Variants in KHDRBS2 observed in about 807,000 individuals in gnomAD.
KHDRBS2 encodes the protein KH domain-containing, RNA-binding, signal transduction-associated protein 2.
A neutral mutation model predicts 44.3 loss-of-function variants in KHDRBS2; 26 were observed. That is an observed-to-expected ratio of 0.59 (90% CI 0.43 to 0.81). The LOEUF is 0.81. Ranked by LOEUF, KHDRBS2 falls within the 40% of genes least tolerant of loss-of-function variation. The probability of loss-of-function intolerance (pLI) is 0.00; values close to 1 mark genes in which losing one functional copy is unlikely to be tolerated. For missense variants in KHDRBS2, 476 were observed against 433.1 expected (o/e 1.10, Z -0.88); for synonymous variants, 194 against 151.1 (o/e 1.28, Z -2.08).
chr6:61,926,788 A>G (rs16880464), intron 4 of KHDRBS2, among the ~76,000 whole-genome samples: 12,201 of 151,682 alleles, frequency 0.08, 493 homozygotes, highest in Middle Eastern at 0.14. Context: ...GTTGGTGAGA[A>G]TGACAGCTAG....
intron 2 of KHDRBS2, among the ~76,000 whole-genome samples, chr6:62,175,999 A>G (rs1178376107): frequency 6.6e-6 from 1 of 151,438 alleles, no homozygotes; most frequent in East Asian, 1.9e-4. Context: ...TCATCAAGTT[A>G]TACCATATTT....
intron 6 of KHDRBS2, among the ~76,000 whole-genome samples, chr6:61,766,396 A>T (rs1372536753): frequency 6.6e-6 from 1 of 151,580 alleles, no homozygotes; most frequent in East Asian, 1.9e-4. Flanking sequence ...AGGTTTGCCA[A>T]TTTTATCTTT....
chr6:61,915,600 A>G (rs1310609318), intron 4 of KHDRBS2, among the ~76,000 whole-genome samples: 1 of 152,054 alleles, frequency 6.6e-6, no homozygotes, highest in African/African-American at 2.4e-5. Context: ...CTCCTACTCA[A>G]ATAACAATTT....
chr6:62,242,947 G>A (rs1834933221), intron 1 of KHDRBS2, among the ~76,000 whole-genome samples: 1 of 152,094 alleles, frequency 6.6e-6, no homozygotes, highest in Non-Finnish European at 1.5e-5. Context: ...AATGACAAAA[G>A]GTATGAAAGT....
At chr6:61,961,117 A>G (rs1161011369) in intron 4 of KHDRBS2, among the ~76,000 whole-genome samples, 1 of 152,108 alleles carries the variant, frequency 6.6e-6, no homozygotes, top group Non-Finnish European at 1.5e-5. Flanking sequence ...AGATCCCAAG[A>G]AAGTGAGCAT....
At chr6:62,238,996 G>T (rs1263003590) in intron 1 of KHDRBS2, among the ~76,000 whole-genome samples, 2 of 152,030 alleles carry the variant, frequency 1.3e-5, no homozygotes, top group East Asian at 3.9e-4. Context: ...CTGTTAAAAA[G>T]AATTCAATGT....
intron 1 of KHDRBS2, among the ~76,000 whole-genome samples, chr6:62,177,673 A>G (rs1232140738): frequency 6.6e-6 from 1 of 151,474 alleles, no homozygotes; most frequent in Non-Finnish European, 1.5e-5. Context: ...TCCAGGAGCA[A>G]TAAATAGAAC....
chr6:61,888,559 TC>T (rs1358425578), intron 6 of KHDRBS2, among the ~76,000 whole-genome samples: 1 of 124,724 alleles, frequency 8.0e-6, no homozygotes, highest in Non-Finnish European at 1.6e-5. Context: ...GTTTTCTAAT[TC>T]CTTTTTTTTT....
intron 2 of KHDRBS2, among the ~76,000 whole-genome samples, chr6:62,049,367 T>G: frequency 6.6e-6 from 1 of 151,996 alleles, no homozygotes; most frequent in East Asian, 1.9e-4. Context: ...GCAAACCTTA[T>G]TTTGAGATCG....
At chr6:62,206,760 G>T (rs1828043418) in intron 1 of KHDRBS2, among the ~76,000 whole-genome samples, 2 of 151,972 alleles carry the variant, frequency 1.3e-5, no homozygotes, top group South Asian at 2.1e-4. Flanking sequence ...TCACGTATAT[G>T]TGTGGCAATA....
intron 2 of KHDRBS2, among the ~76,000 whole-genome samples, chr6:62,113,853 A>T (rs1317901257): frequency 6.6e-6 from 1 of 152,110 alleles, no homozygotes; most frequent in African/African-American, 2.4e-5. Context: ...AGATGGCAAC[A>T]TTACTGTATT....
intron 1 of KHDRBS2, among the ~76,000 whole-genome samples, chr6:62,275,388 G>GA (rs201385791): frequency 1.3e-5 from 2 of 151,728 alleles, no homozygotes; most frequent in African/African-American, 2.4e-5. Context: ...CTTTTTGCCA[G>GA]AAAAAAAACT....
chr6:61,866,903 G>A (rs1797881521), intron 6 of KHDRBS2, among the ~76,000 whole-genome samples: 1 of 152,128 alleles, frequency 6.6e-6, no homozygotes, highest in South Asian at 2.1e-4. Context: ...TCTCAGCCTG[G>A]ACTTTATTGT....
intron 4 of KHDRBS2, among the ~76,000 whole-genome samples, chr6:61,906,536 T>C (rs561835153): frequency 6.6e-6 from 1 of 152,106 alleles, no homozygotes; most frequent in Non-Finnish European, 1.5e-5. Context: ...CCATCCCAAC[T>C]TCCCCCCCTC....
chr6:61,916,954 A>G (rs1807115529), intron 4 of KHDRBS2, among the ~76,000 whole-genome samples: 2 of 146,300 alleles, frequency 1.4e-5, no homozygotes, highest in African/African-American at 5.0e-5. Flanking sequence ...GTGGAGAAAC[A>G]GGAACTCTGT....
At chr6:62,102,944 T>C (rs531861386) in intron 2 of KHDRBS2, among the ~76,000 whole-genome samples, 2 of 152,080 alleles carry the variant, frequency 1.3e-5, no homozygotes, top group African/African-American at 2.4e-5. Flanking sequence ...GAGAGGAACT[T>C]TATTGAGCGA....
rs574995386 is a variant in KHDRBS2, at chr6:62,169,835, A to T, written c.219+7350T>A. Among the ~76,000 whole-genome samples the T allele has an allele frequency of 2.6e-5, 4 of 152,140 alleles. No individual in the cohort carries two copies. The East Asian group carries it at 7.8e-4, about 30-fold the overall frequency. The stretch of plus-strand genomic sequence containing the variant: ...TTAGACCCTGGAACAGACTAGCACC[A>T]GTGCCACAGCCCTGACGGAAGCCAC... On this transcript the variant is annotated intron_variant, in intron 2 of 8. Coordinates refer to ENST00000281156, the MANE Select transcript of KHDRBS2 (RefSeq NM_152688.4).
At chr6:61,866,596 TC>T (rs1353376716) in intron 6 of KHDRBS2, among the ~76,000 whole-genome samples, 1 of 152,222 alleles carries the variant, frequency 6.6e-6, no homozygotes, top group Non-Finnish European at 1.5e-5. Context: ...AGCTTAAATT[TC>T]TCTTCAGAAA....
intron 4 of KHDRBS2, among the ~76,000 whole-genome samples, chr6:61,912,603 C>G (rs1037729773): frequency 4.6e-5 from 7 of 152,122 alleles, no homozygotes; most frequent in Non-Finnish European, 7.4e-5. Flanking sequence ...GCAACTGGTA[C>G]AACTAGGTTC....
Sources: gnomAD v4.1 joint callset for allele counts (sites outside exome capture counted in the v4.1 genomes callset) on GRCh38, gnomAD v4.1.1 for gene constraint, MANE v1.5 for transcripts, NCBI Gene and HGNC (gene_info 2026-07-23, HGNC 2026-07-21) for gene names.